Variants in GPD1L observed in about 807,000 individuals in gnomAD.
GPD1L encodes glycerol-3-phosphate dehydrogenase 1 like.
A neutral mutation model predicts 32.9 loss-of-function variants in GPD1L; 17 were observed. That is an observed-to-expected ratio of 0.52 (90% CI 0.35 to 0.78). GPD1L has a LOEUF of 0.78. Among genes scored for constraint, GPD1L ranks in the 30% least tolerant of loss-of-function variants. GPD1L has a pLI of 0.01. For missense variants in GPD1L, 361 were observed against 447.8 expected (o/e 0.81, Z 1.75); for synonymous variants, 187 against 165.9 (o/e 1.13, Z -0.98).
At chr3:32,111,370 G>A (rs915347630) in intron 1 of GPD1L, among the ~76,000 whole-genome samples, 1 of 152,168 alleles carries the variant, frequency 6.6e-6, no homozygotes, top group Admixed American at 6.5e-5. Context: ...GACTGCCTAC[G>A]TTTCTGCCTG....
chr3:32,168,241 C>A lies in GPD1L; in HGVS notation c.*2331C>A, dbSNP rs1165285458. On this transcript the variant is annotated 3_prime_UTR_variant, in exon 8 of 8. Coordinates refer to ENST00000282541, the MANE Select transcript of GPD1L (RefSeq NM_015141.4). ...ATTTTAGAAGTTTCTGCTCTACTAA[C>A]TGTAGATATTTATGACTCTGCGAGT... 1 of 152,614 alleles carries A rather than the reference C, an allele frequency of 6.6e-6. No individual in the cohort carries two copies. Among genetic ancestry groups the A allele is most frequent in the South Asian group, 2.1e-4 (1 of 4,832 alleles). The allele number at this position is 152,614 out of a possible 1,614,324, so 9.5% of individuals were successfully genotyped here. A position where few individuals can be genotyped will look rare whatever the true frequency, so the allele number is the denominator to read the frequency against.
chr3:32,109,245 T>C (rs142047573), intron 1 of GPD1L, among the ~76,000 whole-genome samples: 2 of 152,366 alleles, frequency 1.3e-5, no homozygotes, highest in African/African-American at 4.8e-5. Flanking sequence ...ACATGTTTTT[T>C]TAACATTAGT....
chr3:32,109,040 G>A (rs1193227586), intron 1 of GPD1L, among the ~76,000 whole-genome samples: 1 of 152,088 alleles, frequency 6.6e-6, no homozygotes, highest in Non-Finnish European at 1.5e-5. Context: ...TAGTAGAGAC[G>A]GGGTTTCACC....
intron 4 of GPD1L, among the ~76,000 whole-genome samples, chr3:32,142,947 G>A (rs1700768856): frequency 1.3e-5 from 2 of 152,130 alleles, no homozygotes; most frequent in South Asian, 2.1e-4. Context: ...TGAGGCTAAA[G>A]CCGAGGATCT....
At chr3:32,142,125 T>C (rs968150311) in intron 4 of GPD1L, among the ~76,000 whole-genome samples, 1 of 39,466 alleles carries the variant, frequency 2.5e-5, no homozygotes, top group East Asian at 0.017. Context: ...CATGATTTTC[T>C]TTTTTTTTTT....
chr3:32,164,861 CA>C (rs1439022982), intron 7 of GPD1L, among the ~76,000 whole-genome samples: 1 of 152,034 alleles, frequency 6.6e-6, no homozygotes, highest in African/African-American at 2.4e-5. Context: ...GATTGCCTTT[CA>C]AGACTCTATT....
chr3:32,146,083 C>CTT (rs59106750), intron 4 of GPD1L, among the ~76,000 whole-genome samples: 164 of 126,126 alleles, frequency 1.3e-3, no homozygotes, highest in Non-Finnish European at 2.2e-3. Context: ...ATGCTTTTTT[C>CTT]TTTTTTTTTT....
rs1426521636 is a variant in GPD1L at position 32,168,497 on chromosome 3, G to A, written c.*2587G>A. On this transcript the variant is annotated 3_prime_UTR_variant, in exon 8 of 8. Coordinates refer to ENST00000282541, the MANE Select transcript of GPD1L (RefSeq NM_015141.4). ...GGAGACGGAGTCAAACTAAACTTGT[G>A]GTTTTTCATTTAACTTTTGACTACA... 2.0e-5 allele frequency: 3 copies of A among 152,724 alleles called. No individual in the cohort carries two copies. In the East Asian group the frequency reaches 5.8e-4, roughly 29 times the overall value. 9.5% of individuals were successfully genotyped at this position (152,724 alleles called of 1,614,324 possible). A position where few individuals can be genotyped will look rare whatever the true frequency, so the allele number is the denominator to read the frequency against.
intron 5 of GPD1L, 85 bp from the exon 6 acceptor site, chr3:32,158,790 CT>C: frequency 1.9e-6 from 3 of 1,556,500 alleles, no homozygotes; most frequent in Non-Finnish European, 2.6e-6. Flanking sequence ...TGGTCTGCCC[CT>C]GCCTCGGCAT....
rs1209392273 is a variant in GPD1L, at chr3:32,159,651, C to G, written c.936C>G (p.Leu312=). Residue 312 remains leucine (L), a synonymous_variant, in exon 7 of 8, where the codon CTC becomes CTG. Coordinates refer to ENST00000282541, the MANE Select transcript of GPD1L (RefSeq NM_015141.4). ...PQTSAEVYRI[L]KQKGLLDKFP... ...CTTCTGCTGAAGTGTACCGCATCCT[C>G]AAACAGAAGGGACTACTGGACAAGT... is the stretch of plus-strand genomic sequence containing the variant. 1.2e-6 allele frequency: 2 copies of G among 1,608,790 alleles called. No individual in the cohort carries two copies. The highest frequency in any genetic ancestry group is 2.7e-5 in the African/African-American group (2 of 74,908).
In GPD1L at chr3:32,121,475, A is replaced by C. The variant is rs192734136; in HGVS notation, c.48-6601A>C. Reference sequence around the variant, plus strand: ...TTTCTCTCTATATATATTTCTCTCTATATATATTTCTCTCTATATATATTT... The same window carrying C: ...TTTCTCTCTATATATATTTCTCTCTCTATATATTTCTCTCTATATATATTT... On this transcript the variant is annotated intron_variant, in intron 1 of 7. Transcript: ENST00000282541. Among the ~76,000 whole-genome samples, 174 of 137,978 alleles carry C rather than the reference A, an allele frequency of 1.3e-3. 23 individuals carry two copies. The highest frequency in any genetic ancestry group is 4.0e-3 in the African/African-American group (142 of 35,908). 90.5% of individuals were successfully genotyped at this position (137,978 alleles called of 152,430 possible).
At chr3:32,121,517 CTCTCTATATATATTTCTATGTATATATT>C (rs1268159140) in intron 1 of GPD1L, among the ~76,000 whole-genome samples, 1 of 71,510 alleles carries the variant, frequency 1.4e-5, no homozygotes, top group African/African-American at 9.3e-5. Context: ...ATATATATTT[CTCTCTATATATATTTCTATGTATATATT>C]TCTATATATA....
At chr3:32,127,937 G>C in intron 1 of GPD1L, 139 bp from the exon 2 acceptor site, 1 of 706,230 alleles carries the variant, frequency 1.4e-6, no homozygotes, top group South Asian at 1.6e-5. Context: ...AATGGCTTGG[G>C]GCTGATACAC....
chr3:32,136,236 T>G (rs1700658475), intron 2 of GPD1L, among the ~76,000 whole-genome samples: 1 of 152,212 alleles, frequency 6.6e-6, no homozygotes, highest in South Asian at 2.1e-4. Flanking sequence ...GTAAACATGG[T>G]TGCAGTAGTT....
In GPD1L at chr3:32,128,220, A is replaced by C; in HGVS notation, c.192A>C (p.Lys64Asn). ...TAAATAATGACCATGAAAATGTAAA[A>C]TATCTTCCTGGACACAAGCTGCCAG... ...DIINNDHENV[K>N]YLPGHKLPEN... is the part of the protein sequence containing the mutation. Residue 64 changes from lysine to asparagine, a missense_variant, in exon 2 of 8, where the codon AAA becomes AAC. By Grantham distance (94) the Lys-to-Asn change is moderately conservative (BLOSUM62 0). Coordinates refer to ENST00000282541, the MANE Select transcript of GPD1L (RefSeq NM_015141.4). The C allele has an allele frequency of 6.2e-7, 1 of 1,613,974 alleles. No individual in the cohort carries two copies. The highest frequency in any genetic ancestry group is 8.5e-7 in the Non-Finnish European group (1 of 1,179,866).
At chr3:32,108,930 A>T (rs189383125) in intron 1 of GPD1L, among the ~76,000 whole-genome samples, 1 of 152,156 alleles carries the variant, frequency 6.6e-6, no homozygotes, top group African/African-American at 2.4e-5. Flanking sequence ...GCTCACTGCA[A>T]GCTCCGCTTC....
At chr3:32,118,304 A>G (rs1193424821) in intron 1 of GPD1L, among the ~76,000 whole-genome samples, 1 of 152,254 alleles carries the variant, frequency 6.6e-6, no homozygotes. Context: ...AAACTTACCA[A>G]CAAGAAAGGA....
chr3:32,155,589 G>A (rs1429926207), intron 5 of GPD1L, among the ~76,000 whole-genome samples: 3 of 152,166 alleles, frequency 2.0e-5, no homozygotes, highest in African/African-American at 7.2e-5. Flanking sequence ...TTGGCCAACA[G>A]CCTAAGCCTC....
intron 5 of GPD1L, among the ~76,000 whole-genome samples, chr3:32,150,047 C>G (rs942890134): frequency 2.0e-5 from 3 of 152,020 alleles, no homozygotes; most frequent in Admixed American, 1.3e-4. Context: ...CTTGCGAAAA[C>G]CACTACCAAA....
Sources: gnomAD v4.1 joint callset for allele counts (sites outside exome capture counted in the v4.1 genomes callset) on GRCh38, gnomAD v4.1.1 for gene constraint, MANE v1.5 for transcripts, NCBI Gene and HGNC (gene_info 2026-07-23, HGNC 2026-07-21) for gene names.